The following CDH13 variants were observed in gnomAD, a reference collection of about 807,000 sequenced individuals.
The protein encoded by CDH13 is cadherin-13.
Under a neutral mutation model 63.8 loss-of-function variants are expected in CDH13, and 24 were observed. The ratio of observed to expected loss-of-function variants is 0.38; its 90% CI spans 0.27 to 0.53. The LOEUF (loss-of-function observed/expected upper bound fraction) is 0.53, where lower values mean the gene tolerates loss of function less well. Ranked by LOEUF, CDH13 falls within the 20% of genes least tolerant of loss-of-function variation. The probability of loss-of-function intolerance (pLI) is 0.85; values close to 1 mark genes in which losing one functional copy is unlikely to be tolerated. For synonymous variants in CDH13, 503 were observed against 355.3 expected (o/e 1.42, Z -4.67); for missense variants, 1,049 against 903.1 (o/e 1.16, Z -2.07).
At chr16:83,658,683 C>T (rs1453863767) in intron 8 of CDH13, among the ~76,000 whole-genome samples, 2 of 151,576 alleles carry the variant, frequency 1.3e-5, no homozygotes, top group African/African-American at 4.9e-5. Flanking sequence ...GGTCCCATAT[C>T]CTCACCACCA....
At chr16:82,750,160 C>T (rs999066184) in intron 1 of CDH13, among the ~76,000 whole-genome samples, 1 of 151,958 alleles carries the variant, frequency 6.6e-6, no homozygotes, top group African/African-American at 2.4e-5. Context: ...CCAAAAGCAG[C>T]GATGCTTCAG....
intron 3 of CDH13, among the ~76,000 whole-genome samples, chr16:83,039,131 T>G (rs1917119655): frequency 6.6e-6 from 1 of 152,222 alleles, no homozygotes. Context: ...CGGAGAGTTA[T>G]GAGGGCCACA....
intron 1 of CDH13, among the ~76,000 whole-genome samples, chr16:82,788,817 TAAA>T (rs973382434): frequency 5.5e-4 from 84 of 152,256 alleles, no homozygotes; most frequent in African/African-American, 1.9e-3. Context: ...TGCATCCAAT[TAAA>T]GAAGCAGGAA....
At chr16:83,004,507 G>A (rs887319559) in intron 2 of CDH13, among the ~76,000 whole-genome samples, 9 of 152,086 alleles carry the variant, frequency 5.9e-5, no homozygotes, top group African/African-American at 1.9e-4. Flanking sequence ...GTTTTGTTTT[G>A]TTTTGTTTTT....
chr16:83,692,897 T>C (rs561767702), intron 10 of CDH13, among the ~76,000 whole-genome samples: 11 of 152,056 alleles, frequency 7.2e-5, no homozygotes, highest in African/African-American at 2.7e-4. Flanking sequence ...ACCTGGCCAA[T>C]ATGGTGAAAC....
intron 1 of CDH13, among the ~76,000 whole-genome samples, chr16:82,807,380 A>C (rs12928782): frequency 0.12 from 17,945 of 152,206 alleles, 1,409 homozygotes; most frequent in Middle Eastern, 0.22. Context: ...TCTCTTTGGC[A>C]GTTTGGGCGG....
At chr16:83,618,905 A>T (rs957688901) in intron 8 of CDH13, among the ~76,000 whole-genome samples, 1 of 152,178 alleles carries the variant, frequency 6.6e-6, no homozygotes, top group Non-Finnish European at 1.5e-5. Context: ...GATTAAACAA[A>T]ATAATTCAGG....
intron 4 of CDH13, chr16:83,171,556 G>A: frequency 6.5e-7 from 1 of 1,534,204 alleles, no homozygotes; most frequent in Non-Finnish European, 8.7e-7. Context: ...CTAGCACGAT[G>A]GCTGACATGA....
intron 4 of CDH13, among the ~76,000 whole-genome samples, chr16:83,129,923 C>T (rs542333451): frequency 6.6e-6 from 1 of 152,204 alleles, no homozygotes; most frequent in Non-Finnish European, 1.5e-5. Flanking sequence ...CCTGAACTAG[C>T]ATTCTCATGT....
chr16:83,104,835 G>T (rs145576801), intron 3 of CDH13, among the ~76,000 whole-genome samples: 1 of 152,290 alleles, frequency 6.6e-6, no homozygotes, highest in East Asian at 1.9e-4. Context: ...AACAAGCCAT[G>T]TAGATAAAAC....
chr16:82,854,994 G>T (rs908630441), intron 1 of CDH13, among the ~76,000 whole-genome samples: 8 of 152,204 alleles, frequency 5.3e-5, no homozygotes, highest in Non-Finnish European at 8.8e-5. Flanking sequence ...GTGAATGAAT[G>T]AATGATTTGA....
At chr16:82,725,107 C>T (rs371641428) in intron 1 of CDH13, among the ~76,000 whole-genome samples, 5 of 151,604 alleles carry the variant, frequency 3.3e-5, no homozygotes, top group Non-Finnish European at 5.9e-5. Context: ...GATGGTTGTG[C>T]GGATGGTGAT....
At chr16:83,595,198 C>G (rs1907138543) in intron 7 of CDH13, among the ~76,000 whole-genome samples, 1 of 152,180 alleles carries the variant, frequency 6.6e-6, no homozygotes, top group South Asian at 2.1e-4. Flanking sequence ...AATTCTATCT[C>G]CTTGAGCTGC....
chr16:82,957,906 A>T (rs960494465), intron 2 of CDH13, among the ~76,000 whole-genome samples: 3 of 152,220 alleles, frequency 2.0e-5, no homozygotes, highest in Non-Finnish European at 4.4e-5. Flanking sequence ...ATGTGCACTC[A>T]TAATTTTGCC....
intron 7 of CDH13, among the ~76,000 whole-genome samples, chr16:83,545,936 T>A (rs923186183): frequency 6.6e-6 from 1 of 152,142 alleles, no homozygotes; most frequent in Non-Finnish European, 1.5e-5. Context: ...GTTCTAAGCA[T>A]TGGGGTGTGG....
At chr16:83,115,143 A>G (rs1463711579) in intron 3 of CDH13, among the ~76,000 whole-genome samples, 1 of 152,230 alleles carries the variant, frequency 6.6e-6, no homozygotes, top group Non-Finnish European at 1.5e-5. Context: ...AGTCTCCAGC[A>G]GCAACCCTGG....
At chr16:83,427,513 G>A (rs2071948894) in intron 6 of CDH13, among the ~76,000 whole-genome samples, 2 of 152,152 alleles carry the variant, frequency 1.3e-5, no homozygotes, top group South Asian at 4.1e-4. Flanking sequence ...TAACCCCCAT[G>A]AGACTGATCT....
intron 1 of CDH13, among the ~76,000 whole-genome samples, chr16:82,711,852 C>T (rs1363167124): frequency 6.6e-6 from 1 of 152,188 alleles, no homozygotes; most frequent in Non-Finnish European, 1.5e-5. Flanking sequence ...ATCTTCACAA[C>T]GGTGCTCTGA....
intron 1 of CDH13, among the ~76,000 whole-genome samples, chr16:82,694,257 G>A (rs1002281929): frequency 4.6e-5 from 7 of 152,166 alleles, no homozygotes; most frequent in Non-Finnish European, 4.4e-5. Context: ...GCAATAAAAA[G>A]TAATGTTTGA....
Sources: allele counts gnomAD v4.1 joint callset (sites outside exome capture counted in the v4.1 genomes callset), GRCh38; gene constraint gnomAD v4.1.1; transcripts MANE v1.5; gene names NCBI Gene and HGNC (gene_info 2026-07-23, HGNC 2026-07-21).